The following ZNF609 variants were observed in gnomAD, a reference collection of about 807,000 sequenced individuals.
ZNF609 encodes zinc finger protein 609.
ZNF609 carries 11 observed loss-of-function variants against 109.5 expected under a neutral mutation model. The ratio of observed to expected loss-of-function variants is 0.10; its 90% CI spans 0.06 to 0.17. The LOEUF is 0.17. Ranked by LOEUF, ZNF609 falls within the 10% of genes least tolerant of loss-of-function variation. The probability of loss-of-function intolerance (pLI) is 1.00; values close to 1 mark genes in which losing one functional copy is unlikely to be tolerated. For missense variants in ZNF609, 1,559 were observed against 1,772.4 expected, an observed-to-expected ratio of 0.88 and a Z score of 2.16; for synonymous variants, 646 against 662.0, an observed-to-expected ratio of 0.98 and a Z score of 0.37.
At chr15:64,536,096 T>C (rs1054660660) in intron 2 of ZNF609, among the ~76,000 whole-genome samples, 1 of 152,170 alleles carries the variant, frequency 6.6e-6, no homozygotes, top group Admixed American at 6.5e-5. Context: ...CAGAGTGCCA[T>C]TGTAGCTTTG....
intron 1 of ZNF609, 33 bp downstream of exon 1, chr15:64,460,871 G>C (rs1171322478): frequency 2.0e-5 from 3 of 147,080 alleles, no homozygotes. Flanking sequence ...AGCCGGGACT[G>C]GGGGAGGAAA....
chr15:64,604,862 C>T (rs1323620010), intron 2 of ZNF609, among the ~76,000 whole-genome samples: 2 of 151,726 alleles, frequency 1.3e-5, no homozygotes, highest in African/African-American at 2.4e-5. Context: ...GATGGAGTCT[C>T]GCTCTATCGC....
intron 2 of ZNF609, among the ~76,000 whole-genome samples, chr15:64,541,932 C>A (rs1055120159): frequency 6.6e-6 from 1 of 151,770 alleles, no homozygotes; most frequent in Non-Finnish European, 1.5e-5. Flanking sequence ...TTAACGAGTC[C>A]ATTTTTTCCT....
intron 2 of ZNF609, among the ~76,000 whole-genome samples, chr15:64,558,212 A>T (rs1894621463): frequency 6.6e-6 from 1 of 152,106 alleles, no homozygotes; most frequent in Admixed American, 6.6e-5. Context: ...TCCAAATTGT[A>T]ATACGTACAT....
intron 2 of ZNF609, chr15:64,502,407 A>G (rs1401531623): frequency 1.3e-5 from 2 of 152,240 alleles, no homozygotes; most frequent in Non-Finnish European, 2.9e-5. Context: ...GTTAAAGGAA[A>G]GGAAGTTAGG....
At chr15:64,678,577 T>C (rs995512607) in intron 6 of ZNF609, 95 bp downstream of exon 6, 3 of 1,492,288 alleles carry the variant, frequency 2.0e-6, no homozygotes, top group Non-Finnish European at 2.7e-6. Context: ...CCCCAAGGCA[T>C]ATTGAGGCTC....
At chr15:64,624,676 T>C (rs1186502320) in intron 3 of ZNF609, among the ~76,000 whole-genome samples, 2 of 152,014 alleles carry the variant, frequency 1.3e-5, no homozygotes, top group African/African-American at 4.8e-5. Context: ...TTTTTTTTTA[T>C]TTTTTGTAAA....
chr15:64,581,077 A>G (rs1895096982), intron 2 of ZNF609, among the ~76,000 whole-genome samples: 1 of 143,976 alleles, frequency 6.9e-6, no homozygotes, highest in Non-Finnish European at 1.5e-5. Flanking sequence ...TTCAGTGGCT[A>G]TTCACAGTTA....
At chr15:64,620,546 G>A (rs866199438) in intron 2 of ZNF609, among the ~76,000 whole-genome samples, 1 of 152,218 alleles carries the variant, frequency 6.6e-6, no homozygotes, top group African/African-American at 2.4e-5. Context: ...TTTCAAGAGA[G>A]CAAATATGCC....
At chr15:64,637,972 T>C (rs1896198662) in intron 3 of ZNF609, among the ~76,000 whole-genome samples, 1 of 144,378 alleles carries the variant, frequency 6.9e-6, no homozygotes, top group African/African-American at 2.5e-5. Context: ...TATTCTTCTA[T>C]GTTTTTTCTG....
intron 1 of ZNF609, among the ~76,000 whole-genome samples, chr15:64,493,756 T>C (rs759757224): frequency 3.3e-5 from 5 of 152,230 alleles, no homozygotes; most frequent in Non-Finnish European, 7.3e-5. Flanking sequence ...CTGTAAGATA[T>C]TGGTTCTCCT....
chr15:64,620,341 TTC>T (rs1480101906), intron 2 of ZNF609, among the ~76,000 whole-genome samples: 2 of 152,230 alleles, frequency 1.3e-5, no homozygotes, highest in Non-Finnish European at 2.9e-5. Context: ...GATCTGTATA[TTC>T]TGTCTCTAAC....
intron 2 of ZNF609, among the ~76,000 whole-genome samples, chr15:64,547,650 CTT>C (rs569047024): frequency 1.4e-5 from 2 of 145,682 alleles, no homozygotes; most frequent in Non-Finnish European, 1.5e-5. Context: ...CCACTTACCA[CTT>C]TTTTTTTTTT....
chr15:64,514,948 A>T (rs1403464661), intron 2 of ZNF609, among the ~76,000 whole-genome samples: 1 of 151,848 alleles, frequency 6.6e-6, no homozygotes, highest in Non-Finnish European at 1.5e-5. Context: ...TTTTTTTAAA[A>T]TTTTTTAATC....
In ZNF609 at chr15:64,686,029, G is replaced by A. The variant is rs762088426; in HGVS notation, c.*4343G>A. ...GAAATATATTTTTAAATTATTTGTT[G>A]TATTTATTGAATAAAGTTTTTAATG... On this transcript the variant is annotated 3_prime_UTR_variant, in exon 10 of 10. Coordinates refer to ENST00000326648, the MANE Select transcript of ZNF609 (RefSeq NM_015042.2). 3 of 151,682 alleles carry A rather than the reference G, an allele frequency of 2.0e-5. No individual in the cohort carries two copies. Among genetic ancestry groups the A allele is most frequent in the African/African-American group, 7.3e-5 (3 of 41,212 alleles). 9.4% of individuals were successfully genotyped at this position (151,682 alleles called of 1,614,324 possible). A position where few individuals can be genotyped will look rare whatever the true frequency, so the allele number is the denominator to read the frequency against.
At chr15:64,668,132 G>T (rs937315262) in intron 3 of ZNF609, among the ~76,000 whole-genome samples, 1 of 152,150 alleles carries the variant, frequency 6.6e-6, no homozygotes, top group Non-Finnish European at 1.5e-5. Flanking sequence ...AGGGGAAAAA[G>T]TAATAACAAA....
chr15:64,537,461 C>T (rs963969767), intron 2 of ZNF609, among the ~76,000 whole-genome samples: 7 of 147,736 alleles, frequency 4.7e-5, no homozygotes, highest in African/African-American at 1.8e-4. Context: ...GGGATCATGC[C>T]ATTGCACTCC....
intron 2 of ZNF609, among the ~76,000 whole-genome samples, chr15:64,614,292 G>A (rs911254749): frequency 2.0e-5 from 3 of 150,514 alleles, no homozygotes; most frequent in Non-Finnish European, 2.9e-5. Flanking sequence ...GTGCAGTGGC[G>A]CGATCTTGGC....
intron 2 of ZNF609, among the ~76,000 whole-genome samples, chr15:64,576,822 CAAAAAAAAA>C (rs57802165): frequency 2.5e-5 from 2 of 79,910 alleles, no homozygotes; most frequent in Admixed American, 1.5e-4. Context: ...GACTCCATCT[CAAAAAAAAA>C]AAAAAAAAAA....
Sources: allele counts gnomAD v4.1 joint callset (sites outside exome capture counted in the v4.1 genomes callset), GRCh38; gene constraint gnomAD v4.1.1; transcripts MANE v1.5; gene names NCBI Gene and HGNC (gene_info 2026-07-23, HGNC 2026-07-21).